ABCA1: variants seen among roughly 807,000 people sequenced by gnomAD.
The protein encoded by ABCA1 is ATP binding cassette subfamily A member 1, also known as phospholipid-transporting ATPase ABCA1.
ABCA1 carries 133 observed loss-of-function variants against 262.5 expected under a neutral mutation model. That is an observed-to-expected ratio of 0.51 (90% CI 0.44 to 0.59). The LOEUF (loss-of-function observed/expected upper bound fraction) is 0.59, where lower values mean the gene tolerates loss of function less well. ABCA1 is among the 20% of genes least tolerant of loss of function. ABCA1 has a pLI of 0.00. For synonymous variants in ABCA1, 1,022 were observed against 1,043.5 expected (o/e 0.98, Z 0.40); for missense variants, 2,452 against 2,777.5 (o/e 0.88, Z 2.63).
intron 22 of ABCA1, 104 bp downstream of exon 22, chr9:104,819,482 T>C (rs1832081773): frequency 9.3e-6 from 14 of 1,500,348 alleles, no homozygotes; most frequent in Admixed American, 8.4e-5. Flanking sequence ...CAGAAGAGTA[T>C]CCCATGGCTT....
At chr9:104,872,684 T>C (rs1837731251) in intron 5 of ABCA1, among the ~76,000 whole-genome samples, 1 of 152,226 alleles carries the variant, frequency 6.6e-6, no homozygotes, top group Admixed American at 6.5e-5. Flanking sequence ...GATTGCCTTT[T>C]GGTGCCTCAA....
chr9:104,825,315 G>T (rs1029813829), intron 17 of ABCA1, among the ~76,000 whole-genome samples: 1 of 152,192 alleles, frequency 6.6e-6, no homozygotes, highest in African/African-American at 2.4e-5. Flanking sequence ...TCACCTCCAC[G>T]TACCAACATT....
In ABCA1 at chr9:104,837,057, G is replaced by A; in HGVS notation, c.1234C>T (p.Leu412=). 1 of 1,614,026 alleles carries A rather than the reference G, an allele frequency of 6.2e-7. No homozygotes were observed. Among genetic ancestry groups the A allele is most frequent in the African/African-American group, 1.3e-5 (1 of 75,054 alleles). The change falls in exon 11 of 50, where the codon CTG becomes TTG. Residue 412 remains leucine, a synonymous_variant. Coordinates refer to ENST00000374736, the MANE Select transcript of ABCA1 (RefSeq NM_005502.4). ...TFQELAVFHD[L]EGMWEELSPK... ...CTGAGTTCCTCCCACATGCCTTCCA[G>A]ATCATGGAACACAGCCAGTTCCTGG...
At chr9:104,816,026 T>C (rs913536652) in intron 25 of ABCA1, 117 bp downstream of exon 25, 2 of 1,134,818 alleles carry the variant, frequency 1.8e-6, no homozygotes, top group South Asian at 1.2e-5. Flanking sequence ...CAGATGTCGA[T>C]GACCTAAAAA....
intron 42 of ABCA1, among the ~76,000 whole-genome samples, chr9:104,792,273 TA>T (rs1048102533): frequency 2.6e-5 from 4 of 152,238 alleles, no homozygotes; most frequent in Admixed American, 2.0e-4. Flanking sequence ...ATTTTTCATC[TA>T]TTCAACATAT....
intron 42 of ABCA1, 113 bp downstream of exon 42, chr9:104,792,673 G>A (rs1462792088): frequency 1.2e-5 from 16 of 1,343,726 alleles, no homozygotes; most frequent in Non-Finnish European, 1.6e-5. Context: ...TGGTATAGAT[G>A]TACATTTTGG....
intron 40 of ABCA1, among the ~76,000 whole-genome samples, chr9:104,794,134 T>C (rs936846942): frequency 1.3e-5 from 2 of 152,150 alleles, no homozygotes; most frequent in African/African-American, 4.8e-5. Flanking sequence ...TCCAAGCAAA[T>C]GCCACTATTT....
chr9:104,831,572 G>A (rs553082985), intron 13 of ABCA1, 50 bp downstream of exon 13: 2 of 1,473,938 alleles, frequency 1.4e-6, no homozygotes, highest in South Asian at 2.3e-5. Flanking sequence ...AATATAATAG[G>A]TGCTCTGGAC....
At chr9:104,799,371 C>T (rs1046564072) in intron 36 of ABCA1, 1 of 860,094 alleles carries the variant, frequency 1.2e-6, no homozygotes, top group African/African-American at 1.9e-5. Flanking sequence ...ATACTTTAAA[C>T]TAGCTCATCC....
chr9:104,843,240 C>G (rs73521808), intron 8 of ABCA1, among the ~76,000 whole-genome samples: 4,541 of 152,246 alleles, frequency 0.03, 191 homozygotes, highest in African/African-American at 0.092. Context: ...GAGAAGTTAG[C>G]GTGTTCACTG....
At position 104,802,144 on chromosome 9, in the gene ABCA1, G is replaced by A; in HGVS notation, c.4608C>T (p.Ser1536=). 2 of 1,614,116 alleles carry A rather than the reference G, an allele frequency of 1.2e-6. No individual in the cohort carries two copies. The highest frequency in any genetic ancestry group is 1.7e-6 in the Non-Finnish European group (2 of 1,180,020). The change falls in exon 34 of 50, where the codon TCC becomes TCT. Residue 1536 remains serine, a synonymous_variant. Transcript: ENST00000374736. ...WVNEFRYGGF[S]LGVSNTQALP... ...GTGCTTGAGTATTACTGACACCCAGGGAAAAGCCGCCATACCTAAAAGAAC... is the reference window on the plus strand; with the variant it reads ...GTGCTTGAGTATTACTGACACCCAGAGAAAAGCCGCCATACCTAAAAGAAC...
chr9:104,858,731 C>T, intron 6 of ABCA1, 33 bp from the exon 7 acceptor site: 1 of 1,612,036 alleles, frequency 6.2e-7, no homozygotes. Context: ...GAGACAAGCA[C>T]AAGAGGATTA....
chr9:104,861,344 A>G, intron 6 of ABCA1: 1 of 481,852 alleles, frequency 2.1e-6, no homozygotes, highest in South Asian at 2.4e-5. Context: ...ACCCTTAACC[A>G]CGGTTATTGC....
intron 25 of ABCA1, among the ~76,000 whole-genome samples, chr9:104,814,769 G>A (rs1831589506): frequency 6.6e-6 from 1 of 152,216 alleles, no homozygotes; most frequent in Non-Finnish European, 1.5e-5. Flanking sequence ...GCCGAGGCGG[G>A]CAGATCACCT....
chr9:104,796,473 A>G (rs1483476156), intron 37 of ABCA1, 49 bp from the exon 38 acceptor site: 1 of 1,400,894 alleles, frequency 7.1e-7, no homozygotes. Flanking sequence ...TCAAATATAC[A>G]ATGCATCACA....
intron 19 of ABCA1, 132 bp downstream of exon 19, chr9:104,822,364 C>A (rs1832440193): frequency 8.3e-7 from 1 of 1,198,568 alleles, no homozygotes; most frequent in African/African-American, 1.5e-5. Context: ...ATAACATGTT[C>A]ACATTCGGCA....
At chr9:104,905,785 T>C (rs1264976785) in intron 1 of ABCA1, among the ~76,000 whole-genome samples, 1 of 152,170 alleles carries the variant, frequency 6.6e-6, no homozygotes, top group Non-Finnish European at 1.5e-5. Context: ...AGGAATCAGT[T>C]CGTTGATTTA....
chr9:104,787,028 G>A, intron 46 of ABCA1, 52 bp from the exon 47 acceptor site: 1 of 1,531,354 alleles, frequency 6.5e-7, no homozygotes, highest in Non-Finnish European at 8.9e-7. Flanking sequence ...AAAAATCAAA[G>A]ATAAATTTGT....
At chr9:104,807,357 G>T (rs893509656) in intron 30 of ABCA1, among the ~76,000 whole-genome samples, 9 of 152,200 alleles carry the variant, frequency 5.9e-5, no homozygotes, top group Admixed American at 1.3e-4. Context: ...CTGAATTACT[G>T]TGGGACATCA....
Sources: allele counts gnomAD v4.1 joint callset (sites outside exome capture counted in the v4.1 genomes callset), GRCh38; gene constraint gnomAD v4.1.1; transcripts MANE v1.5; gene names NCBI Gene and HGNC (gene_info 2026-07-23, HGNC 2026-07-21).